The following USP26 variants were observed in gnomAD, a reference collection of about 807,000 sequenced individuals.
The protein encoded by USP26 is ubiquitin specific peptidase 26.
For synonymous variants in USP26, 236 were observed against 240.6 expected, an observed-to-expected ratio of 0.98 and a Z score of 0.18; for missense variants, 649 against 642.3, an observed-to-expected ratio of 1.01 and a Z score of -0.11.
Position 133,027,016 on chromosome X carries a change from T to C in USP26, c.1205A>G (p.Asn402Ser). Residue 402 changes from asparagine to serine, a missense_variant, in exon 6 of 6, where the codon AAC becomes AGC. Asn to Ser is a conservative substitution (Grantham distance 46). Transcript: ENST00000511190. ...DQLKDNMEKL[N>S]TIWKPKSEFG... Reference sequence around the variant, plus strand: ...TTCACTTTTAGGCTTCCAAATTGTGTTGAGTTTTTCCATGTTATCTTTCAG... The same window carrying C: ...TTCACTTTTAGGCTTCCAAATTGTGCTGAGTTTTTCCATGTTATCTTTCAG... 1.7e-6 allele frequency: 2 copies of C among 1,211,784 alleles called. No homozygotes were observed. The highest frequency in any genetic ancestry group is 2.2e-6 in the Non-Finnish European group (2 of 895,454).
intron 5 of USP26, among the ~76,000 whole-genome samples, chrX:133,082,144 A>ATG (rs1254113904): frequency 9.0e-6 from 1 of 111,394 alleles, no homozygotes; most frequent in East Asian, 2.8e-4. Flanking sequence ...TTGAACATAC[A>ATG]TGGCCCACAT....
intron 1 of USP26, among the ~76,000 whole-genome samples, chrX:133,096,445 G>A (rs142491985): frequency 0.03 from 3,329 of 111,453 alleles, 72 homozygotes; most frequent in East Asian, 0.1. Context: ...TTGAAAGTGA[G>A]TGGATGAAAG....
chrX:133,041,969 A>T (rs1439082750), intron 5 of USP26, among the ~76,000 whole-genome samples: 1 of 112,209 alleles, frequency 8.9e-6, no homozygotes, highest in Non-Finnish European at 1.9e-5. Flanking sequence ...ACTGTGGTGA[A>T]TTCTGCCCAG....
intron 5 of USP26, among the ~76,000 whole-genome samples, chrX:133,056,223 A>G (rs1212130338): frequency 8.9e-6 from 1 of 111,753 alleles, no homozygotes; most frequent in Non-Finnish European, 1.9e-5. Flanking sequence ...ATATTAGTTC[A>G]GGTACATCAA....
At chrX:133,045,782 C>G (rs1427952527) in intron 5 of USP26, 1 of 113,945 alleles carries the variant, frequency 8.8e-6, no homozygotes, top group East Asian at 2.8e-4. Context: ...AACTGTAACA[C>G]TCACCGCGAG....
At chrX:133,070,408 C>A (rs773958920) in intron 5 of USP26, among the ~76,000 whole-genome samples, 1 of 111,609 alleles carries the variant, frequency 9.0e-6, no homozygotes, top group Admixed American at 9.6e-5. Flanking sequence ...ACCTTGGACT[C>A]CTCCTGTTTA....
At chrX:133,071,536 TA>T (rs148956015) in intron 5 of USP26, among the ~76,000 whole-genome samples, 145 of 103,137 alleles carry the variant, frequency 1.4e-3, no homozygotes, top group Middle Eastern at 5.1e-3. Flanking sequence ...AAGATTCAAT[TA>T]AAAAAAAAAA....
chrX:133,065,969 G>A (rs1445336087), intron 5 of USP26, among the ~76,000 whole-genome samples: 3 of 111,712 alleles, frequency 2.7e-5, no homozygotes, highest in Non-Finnish European at 5.6e-5. Flanking sequence ...TGTATATCTA[G>A]AAAACCCCAT....
intron 5 of USP26, among the ~76,000 whole-genome samples, chrX:133,043,769 G>A (rs1322302409): frequency 1.8e-5 from 2 of 111,949 alleles, no homozygotes; most frequent in Non-Finnish European, 3.8e-5. Flanking sequence ...ATAGCCAGGT[G>A]TGGTGGCATG....
chrX:133,074,648 A>G (rs1338848993), intron 5 of USP26, among the ~76,000 whole-genome samples: 2 of 112,319 alleles, frequency 1.8e-5, no homozygotes, highest in Non-Finnish European at 3.8e-5. Flanking sequence ...GTAGCCTTGA[A>G]CTACATTAAC....
At chrX:133,056,302 A>G (rs1311990834) in intron 5 of USP26, among the ~76,000 whole-genome samples, 1 of 111,653 alleles carries the variant, frequency 9.0e-6, no homozygotes, top group Admixed American at 9.5e-5. Flanking sequence ...TCTCTCTCAC[A>G]ATCCCTGGCT....
intron 5 of USP26, among the ~76,000 whole-genome samples, chrX:133,072,364 C>T (rs1015084459): frequency 8.9e-5 from 10 of 112,010 alleles, no homozygotes; most frequent in African/African-American, 3.2e-4. Context: ...AAAGTATTAC[C>T]CACAAACAGG....
intron 5 of USP26, 103 bp from the exon 6 acceptor site, chrX:133,028,399 T>C (rs1290581726): frequency 4.7e-5 from 25 of 530,508 alleles, no homozygotes; most frequent in Non-Finnish European, 7.1e-5. Flanking sequence ...GTTCTAGATA[T>C]CCAGCTCTTC....
chrX:133,086,410 C>G (rs1400709137), intron 4 of USP26, among the ~76,000 whole-genome samples: 1 of 111,299 alleles, frequency 9.0e-6, no homozygotes, highest in East Asian at 2.8e-4. Flanking sequence ...GAGTTAAAGA[C>G]CAGCCTGGGC....
At chrX:133,089,414 A>G (rs1217862771) in intron 4 of USP26, among the ~76,000 whole-genome samples, 2 of 111,776 alleles carry the variant, frequency 1.8e-5, no homozygotes, top group African/African-American at 6.5e-5. Context: ...TCCATCCCAG[A>G]TAGCTAGAGT....
rs2067363881 is a variant in USP26 at position 133,028,304 on chromosome X, G to A, written c.-76-8C>T. 3 of 1,037,904 alleles carry A rather than the reference G, an allele frequency of 2.9e-6. No individual in the cohort carries two copies. Among genetic ancestry groups the A allele is most frequent in the East Asian group, 6.1e-5 (2 of 32,533 alleles). The allele number at this position is 1,037,904 out of a possible 1,213,427, so 85.5% of individuals were successfully genotyped here. On this transcript the variant is annotated splice_region_variant and splice_polypyrimidine_tract_variant and intron_variant, in intron 5 of 5. Transcript: ENST00000511190. Reference sequence around the variant, plus strand: ...TCTGTTTTGCAAGTTCAGCTGTGAAGACAACACCAAAGAAATAGTTCATTA... The same window carrying A: ...TCTGTTTTGCAAGTTCAGCTGTGAAAACAACACCAAAGAAATAGTTCATTA...
intron 1 of USP26, among the ~76,000 whole-genome samples, chrX:133,095,668 G>A (rs1021977682): frequency 1.8e-5 from 2 of 111,837 alleles, no homozygotes; most frequent in Non-Finnish European, 3.8e-5. Context: ...TGGCACAGAC[G>A]CAGCTCACTT....
At chrX:133,083,585 T>C (rs1405691489) in intron 5 of USP26, 122 bp downstream of exon 5, 1 of 111,773 alleles carries the variant, frequency 8.9e-6, no homozygotes, top group African/African-American at 3.3e-5. Context: ...AGGCCTCTAA[T>C]TGGTTCTAAT....
At chrX:133,093,494 T>C (rs967355974) in intron 1 of USP26, among the ~76,000 whole-genome samples, 1 of 109,617 alleles carries the variant, frequency 9.1e-6, no homozygotes, top group Admixed American at 9.8e-5. Flanking sequence ...TAGCCAGGCA[T>C]GGTGGCACAT....
Sources: allele counts gnomAD v4.1 joint callset (sites outside exome capture counted in the v4.1 genomes callset), GRCh38; gene constraint gnomAD v4.1.1; transcripts MANE v1.5; gene names NCBI Gene and HGNC (gene_info 2026-07-23, HGNC 2026-07-21).